AVL9: variants seen among roughly 807,000 people sequenced by gnomAD.
AVL9 encodes the protein late secretory pathway protein AVL9 homolog.
In AVL9, 49 loss-of-function variants were observed where a neutral mutation model predicts 79.2. The observed-to-expected ratio is 0.62, with a 90% CI of 0.49 to 0.79. AVL9 has a LOEUF of 0.79. Among genes scored for constraint, AVL9 ranks in the 30% least tolerant of loss-of-function variants. AVL9 has a pLI of 0.00. For missense variants in AVL9, 682 were observed against 776.8 expected, an observed-to-expected ratio of 0.88 and a Z score of 1.45; for synonymous variants, 299 against 280.6, an observed-to-expected ratio of 1.07 and a Z score of -0.65.
At chr7:32,578,719 G>T (rs1791212501) in intron 13 of AVL9, among the ~76,000 whole-genome samples, 1 of 152,134 alleles carries the variant, frequency 6.6e-6, no homozygotes, top group Non-Finnish European at 1.5e-5. Flanking sequence ...TGAGGCAGGA[G>T]AATCGCTTGA....
intron 15 of AVL9, chr7:32,581,170 T>C (rs977107842): frequency 1.3e-5 from 5 of 391,220 alleles, no homozygotes; most frequent in South Asian, 3.1e-5. Flanking sequence ...CCATTCCCTG[T>C]GCTGTCCACA....
intron 1 of AVL9, chr7:32,537,590 G>A (rs144950880): frequency 0.016 from 2,471 of 150,356 alleles, 27 homozygotes; most frequent in Non-Finnish European, 0.025. Context: ...AGCCTCCTGA[G>A]TAGTTGGGAC....
chr7:32,544,793 T>A lies in AVL9; in HGVS notation c.300+14T>A. The A allele has an allele frequency of 6.2e-7, 1 of 1,600,408 alleles. No homozygotes were observed. The highest frequency in any genetic ancestry group is 8.6e-7 in the Non-Finnish European group (1 of 1,168,700). ...ATTGAAGCCAAGGTACGATAGTTAA[T>A]AGTGAAAAACAATTCCAAAGTCCCT... On this transcript the variant is annotated intron_variant, in intron 3 of 15. Coordinates refer to ENST00000318709, the MANE Select transcript of AVL9 (RefSeq NM_015060.3).
chr7:32,521,200 A>G (rs1319229216), intron 1 of AVL9, among the ~76,000 whole-genome samples: 2 of 152,224 alleles, frequency 1.3e-5, no homozygotes, highest in Admixed American at 6.5e-5. Flanking sequence ...ACTGCTGAAA[A>G]TATACTTGAA....
chr7:32,534,702 G>C (rs1788817469), intron 1 of AVL9: 1 of 152,208 alleles, frequency 6.6e-6, no homozygotes, highest in Admixed American at 6.5e-5. Context: ...CCAGCACTTA[G>C]GGAGGCCAAG....
intron 9 of AVL9, 24 bp from the exon 10 acceptor site, chr7:32,558,905 G>C (rs1401236132): frequency 6.5e-7 from 1 of 1,540,034 alleles, no homozygotes; most frequent in African/African-American, 1.4e-5. Context: ...AAGCCAAGCT[G>C]TTCTTTGATA....
chr7:32,570,215 T>C, intron 11 of AVL9, 61 bp downstream of exon 11: 1 of 1,593,464 alleles, frequency 6.3e-7, no homozygotes, highest in Non-Finnish European at 8.6e-7. Context: ...CTTTCTTAAC[T>C]ACAATTATGA....
chr7:32,553,876 G>C, intron 7 of AVL9, 109 bp downstream of exon 7: 1 of 717,868 alleles, frequency 1.4e-6, no homozygotes, highest in South Asian at 2.1e-5. Context: ...ATTGAATGCA[G>C]ATTGTGGCAT....
intron 9 of AVL9, 28 bp downstream of exon 9, chr7:32,558,656 C>A (rs914058708): frequency 6.4e-7 from 1 of 1,556,180 alleles, no homozygotes; most frequent in South Asian, 1.2e-5. Context: ...TCTACTCTTT[C>A]TTTTGTTTAA....
At chr7:32,509,621 G>C (rs146473226) in intron 1 of AVL9, among the ~76,000 whole-genome samples, 4 of 152,102 alleles carry the variant, frequency 2.6e-5, no homozygotes, top group Admixed American at 6.6e-5. Flanking sequence ...TTGGCCGGGC[G>C]GGCGGATCAC....
intron 1 of AVL9, among the ~76,000 whole-genome samples, chr7:32,523,796 C>T (rs531767833): frequency 5.3e-4 from 79 of 148,088 alleles, no homozygotes; most frequent in African/African-American, 1.8e-3. Context: ...TGCAGTGGCA[C>T]GATCTCGGCT....
intron 1 of AVL9, among the ~76,000 whole-genome samples, chr7:32,523,629 C>T (rs1251809748): frequency 1.4e-5 from 2 of 145,542 alleles, no homozygotes; most frequent in African/African-American, 5.0e-5. Context: ...TATTCTCTTG[C>T]CTCAGCCTCC....
chr7:32,575,978 TA>T lies in AVL9; in HGVS notation c.1595del (p.Tyr532LeufsTer29). 6.2e-7 allele frequency: 1 copy of T among 1,613,350 alleles called. No homozygotes were observed. Among genetic ancestry groups the T allele is most frequent in the Non-Finnish European group, 8.5e-7 (1 of 1,179,268 alleles). ...QLDNEKILSD[Y>X]GTTFVTAWKN... ...AGACAATGAAAAGATATTATCGGAC[TA>T]TGGGACAACTTTTGTTACAGCATGG... On this transcript the variant is annotated frameshift_variant, in exon 13 of 16. Transcript: ENST00000318709. LOFTEE classifies it high-confidence loss of function.
intron 1 of AVL9, 149 bp from the exon 2 acceptor site, chr7:32,542,992 C>T (rs1358499965): frequency 1.1e-6 from 1 of 942,934 alleles, no homozygotes; most frequent in East Asian, 2.5e-5. Flanking sequence ...CTCTTCCATG[C>T]CATAGGTTTG....
In AVL9 at chr7:32,545,418, C is replaced by A. The variant is rs193135686; in HGVS notation, c.300+639C>A. Among the ~76,000 whole-genome samples the A allele has an allele frequency of 6.9e-3, 850 of 122,342 alleles. 5 individuals carry two copies. The highest frequency in any genetic ancestry group is 0.012 in the Admixed American group (104 of 8,510). 80.3% of individuals were successfully genotyped at this position (122,342 alleles called of 152,430 possible). On this transcript the variant is annotated intron_variant, in intron 3 of 15. Transcript: ENST00000318709. ...GAGGAGTCTCACTCTGTTGCCTAGGCTGGAGTGCAGTGGCACAATCTTGGC... is the reference window on the plus strand; with the variant it reads ...GAGGAGTCTCACTCTGTTGCCTAGGATGGAGTGCAGTGGCACAATCTTGGC...
chr7:32,569,970 A>G (rs2128148099), intron 10 of AVL9, 50 bp from the exon 11 acceptor site: 1 of 1,593,718 alleles, frequency 6.3e-7, no homozygotes, highest in Non-Finnish European at 8.6e-7. Context: ...TTAAAGAGAA[A>G]GGTAACCTTT....
intron 10 of AVL9, among the ~76,000 whole-genome samples, chr7:32,562,294 G>T (rs940067389): frequency 6.6e-6 from 1 of 151,992 alleles, no homozygotes; most frequent in Non-Finnish European, 1.5e-5. Context: ...AAAAAGCTTA[G>T]ATGTCTAACT....
At chr7:32,508,074 GTCTTT>G (rs1787489935) in intron 1 of AVL9, among the ~76,000 whole-genome samples, 2 of 152,088 alleles carry the variant, frequency 1.3e-5, no homozygotes, top group Non-Finnish European at 1.5e-5. Context: ...CAATTGGATT[GTCTTT>G]TCTTTATTTG....
chr7:32,497,650 GTTC>G (rs1376106075), intron 1 of AVL9, among the ~76,000 whole-genome samples: 1 of 99,818 alleles, frequency 1.0e-5, no homozygotes, highest in African/African-American at 3.3e-5. Context: ...TTGACCATTA[GTTC>G]TTTTTTTTTT....
Sources: gnomAD v4.1 joint callset for allele counts (sites outside exome capture counted in the v4.1 genomes callset) on GRCh38, gnomAD v4.1.1 for gene constraint, MANE v1.5 for transcripts, NCBI Gene and HGNC (gene_info 2026-07-23, HGNC 2026-07-21) for gene names.